RASGRF2: variants seen among roughly 807,000 people sequenced by gnomAD.
RASGRF2 encodes Ras protein specific guanine nucleotide releasing factor 2, also known as ras-specific guanine nucleotide-releasing factor 2.
In RASGRF2, 76 loss-of-function variants were observed where a neutral mutation model predicts 151.0. That is an observed-to-expected ratio of 0.50 (90% confidence interval 0.42 to 0.61). The LOEUF (loss-of-function observed/expected upper bound fraction) is 0.61, where lower values mean the gene tolerates loss of function less well. RASGRF2 is among the 20% of genes least tolerant of loss of function. RASGRF2 has a pLI of 0.00. For synonymous variants in RASGRF2, 504 were observed against 566.5 expected (o/e 0.89, Z 1.57); for missense variants, 1,148 against 1,564.6 (o/e 0.73, Z 4.49).
At chr5:80,986,624 T>TA (rs774078579) in intron 1 of RASGRF2, among the ~76,000 whole-genome samples, 8 of 152,210 alleles carry the variant, frequency 5.3e-5, no homozygotes, top group Non-Finnish European at 1.0e-4. Context: ...CTTGGGGACA[T>TA]AAGGAAACGC....
At chr5:81,146,142 A>G (rs189383487) in intron 17 of RASGRF2, among the ~76,000 whole-genome samples, 629 of 152,308 alleles carry the variant, frequency 4.1e-3, no homozygotes, top group Non-Finnish European at 7.3e-3. Context: ...CTCTTCTCTC[A>G]TCACCTGAAG....
chr5:81,100,057 A>G (rs372063641), intron 12 of RASGRF2, among the ~76,000 whole-genome samples: 3 of 151,752 alleles, frequency 2.0e-5, no homozygotes, highest in African/African-American at 7.3e-5. Flanking sequence ...ACAGGCACCC[A>G]CCAGCATGCC....
chr5:81,126,072 C>T (rs980519756), intron 16 of RASGRF2, among the ~76,000 whole-genome samples: 1 of 152,230 alleles, frequency 6.6e-6, no homozygotes, highest in Admixed American at 6.5e-5. Flanking sequence ...TTATTTTAGG[C>T]ATGATTGTGA....
intron 18 of RASGRF2, among the ~76,000 whole-genome samples, chr5:81,195,441 A>C (rs1282940830): frequency 1.3e-5 from 2 of 152,230 alleles, no homozygotes; most frequent in Admixed American, 6.5e-5. Flanking sequence ...AGGAGCAGCT[A>C]CTGTATTTTC....
intron 1 of RASGRF2, among the ~76,000 whole-genome samples, chr5:81,013,635 G>A (rs1389970630): frequency 1.3e-5 from 2 of 151,476 alleles, no homozygotes; most frequent in African/African-American, 2.4e-5. Flanking sequence ...ATTATGTTGT[G>A]TATGTGTATA....
chr5:81,116,192 C>T (rs1753152066), intron 15 of RASGRF2, among the ~76,000 whole-genome samples: 1 of 146,248 alleles, frequency 6.8e-6, no homozygotes. Flanking sequence ...GAGCTATTCT[C>T]CTGCCTCAGC....
Position 81,099,911 on chromosome 5 carries a change from T to TTC in RASGRF2, c.1755+4920_1755+4921insCT, listed in dbSNP as rs1554033436. Among the ~76,000 whole-genome samples, 143 of 118,654 alleles carry TTC rather than the reference T, an allele frequency of 1.2e-3. 1 individual carries two copies. Among genetic ancestry groups the TTC allele is most frequent in the African/African-American group, 4.6e-3 (136 of 29,486 alleles). 77.8% of individuals were successfully genotyped at this position (118,654 alleles called of 152,430 possible). A position where few individuals can be genotyped will look rare whatever the true frequency, so the allele number is the denominator to read the frequency against. The stretch of plus-strand genomic sequence containing the variant: ...TTGTCACTATTTTTCTTTTTTCTTT[T>TTC]TTTTTTTTTTTTTTGAGACAGAGTC... On this transcript the variant is annotated intron_variant, in intron 12 of 26. Transcript: ENST00000265080.
chr5:81,154,238 A>G (rs558175194), intron 17 of RASGRF2, among the ~76,000 whole-genome samples: 2 of 152,332 alleles, frequency 1.3e-5, no homozygotes, highest in African/African-American at 4.8e-5. Flanking sequence ...AGAATACTCC[A>G]TCTGATGAAA....
chr5:81,171,082 C>T (rs1754647193), intron 17 of RASGRF2, among the ~76,000 whole-genome samples: 1 of 152,094 alleles, frequency 6.6e-6, no homozygotes, highest in African/African-American at 2.4e-5. Flanking sequence ...TTCATCCTCC[C>T]TTATTAACCA....
At chr5:81,056,016 C>T in intron 2 of RASGRF2, among the ~76,000 whole-genome samples, 1 of 152,192 alleles carries the variant, frequency 6.6e-6, no homozygotes, top group East Asian at 1.9e-4. Flanking sequence ...ATTCTTCTCT[C>T]TTTTCTTCTT....
chr5:81,168,526 G>A (rs1472173140), intron 17 of RASGRF2, among the ~76,000 whole-genome samples: 1 of 151,860 alleles, frequency 6.6e-6, no homozygotes, highest in Non-Finnish European at 1.5e-5. Context: ...GGTCAGGCTG[G>A]TCTCGAACTC....
chr5:81,159,738 G>T (rs1754339478), intron 17 of RASGRF2, among the ~76,000 whole-genome samples: 1 of 152,154 alleles, frequency 6.6e-6, no homozygotes, highest in Non-Finnish European at 1.5e-5. Flanking sequence ...CTGTTAAAAA[G>T]AACATATAAT....
intron 1 of RASGRF2, among the ~76,000 whole-genome samples, chr5:80,993,635 G>A (rs1007797326): frequency 5.9e-5 from 9 of 152,214 alleles, no homozygotes; most frequent in Non-Finnish European, 1.2e-4. Flanking sequence ...ATAAGGCCTA[G>A]TGCAGTGCCC....
At chr5:81,094,178 A>G in intron 10 of RASGRF2, 118 bp from the exon 11 acceptor site, 3 of 722,152 alleles carry the variant, frequency 4.2e-6, no homozygotes, top group Non-Finnish European at 6.6e-6. Flanking sequence ...AAAATTATTT[A>G]TGATGCAGAA....
At chr5:81,000,618 T>A (rs1323550440) in intron 1 of RASGRF2, among the ~76,000 whole-genome samples, 1 of 152,224 alleles carries the variant, frequency 6.6e-6, no homozygotes, top group Non-Finnish European at 1.5e-5. Flanking sequence ...TTTATGTTTT[T>A]TTTTCCTTAG....
At chr5:81,149,810 G>T (rs1754093406) in intron 17 of RASGRF2, among the ~76,000 whole-genome samples, 2 of 152,062 alleles carry the variant, frequency 1.3e-5, no homozygotes, top group Non-Finnish European at 2.9e-5. Context: ...TAATTCAGTG[G>T]ATCCTAGCAT....
intron 1 of RASGRF2, among the ~76,000 whole-genome samples, chr5:80,987,330 C>T (rs1486259551): frequency 2.0e-5 from 3 of 152,262 alleles, no homozygotes; most frequent in East Asian, 3.9e-4. Context: ...AAAGTCCTTG[C>T]GGGCAGGAAC....
At chr5:81,056,805 G>C (rs1751231177) in intron 2 of RASGRF2, among the ~76,000 whole-genome samples, 1 of 152,060 alleles carries the variant, frequency 6.6e-6, no homozygotes, top group Non-Finnish European at 1.5e-5. Context: ...TATGAATCTG[G>C]GTGCTCCTGT....
At chr5:80,990,577 C>G (rs988763772) in intron 1 of RASGRF2, among the ~76,000 whole-genome samples, 3 of 152,184 alleles carry the variant, frequency 2.0e-5, no homozygotes, top group Admixed American at 2.0e-4. Flanking sequence ...GGCAGGAGCC[C>G]TGTTATGTTG....
Sources: gnomAD v4.1 joint callset for allele counts (sites outside exome capture counted in the v4.1 genomes callset) on GRCh38, gnomAD v4.1.1 for gene constraint, MANE v1.5 for transcripts, NCBI Gene and HGNC (gene_info 2026-07-23, HGNC 2026-07-21) for gene names.